TMCO5A: variants seen among roughly 807,000 people sequenced by gnomAD.
TMCO5A encodes transmembrane and coiled-coil domains 5A, also known as transmembrane and coiled-coil domain-containing protein 5A.
Under a neutral mutation model 42.3 loss-of-function variants are expected in TMCO5A, and 34 were observed. The observed-to-expected ratio is 0.80, with a 90% confidence interval of 0.61 to 1.07. The LOEUF is 1.07. TMCO5A is among the 50% of genes least tolerant of loss of function. TMCO5A has a pLI of 0.00. For missense variants in TMCO5A, 357 were observed against 327.9 expected (o/e 1.09, Z -0.69); for synonymous variants, 131 against 115.6 (o/e 1.13, Z -0.86).
chr15:37,948,425 A>G (rs1413566693), intron 11 of TMCO5A, among the ~76,000 whole-genome samples: 1 of 152,134 alleles, frequency 6.6e-6, no homozygotes, highest in Non-Finnish European at 1.5e-5. Flanking sequence ...GTTAAAGGTC[A>G]GCTCCAATTG....
the TMCO5A span, among the ~76,000 whole-genome samples, chr15:38,031,317 C>A: frequency 6.6e-6 from 1 of 152,144 alleles, no homozygotes; most frequent in Non-Finnish European, 1.5e-5. Context: ...GGTAACCAGC[C>A]TCCAAGATGG....
At chr15:37,999,781 T>G in the TMCO5A span, among the ~76,000 whole-genome samples, 1 of 152,246 alleles carries the variant, frequency 6.6e-6, no homozygotes, top group African/African-American at 2.4e-5. Context: ...TCAATTGAAA[T>G]GATCATGATT....
the TMCO5A span, among the ~76,000 whole-genome samples, chr15:38,031,377 T>C: frequency 6.6e-6 from 1 of 152,104 alleles, no homozygotes. Flanking sequence ...CCCTCCCGCA[T>C]TGTATCAATA....
chr15:37,976,488 C>T, the TMCO5A span, among the ~76,000 whole-genome samples: 3 of 152,124 alleles, frequency 2.0e-5, no homozygotes, highest in Non-Finnish European at 4.4e-5. Context: ...TGGATGATGT[C>T]CGTAACTATG....
chr15:38,015,899 T>C, the TMCO5A span, among the ~76,000 whole-genome samples: 1 of 151,954 alleles, frequency 6.6e-6, no homozygotes, highest in East Asian at 1.9e-4. Flanking sequence ...CTGCCCAGGG[T>C]TGGGGGAAGG....
the TMCO5A span, among the ~76,000 whole-genome samples, chr15:38,022,214 C>G: frequency 6.6e-6 from 1 of 152,112 alleles, no homozygotes; most frequent in Non-Finnish European, 1.5e-5. Flanking sequence ...AAAACCTGCA[C>G]ACGAATTTAT....
intron 2 of TMCO5A, chr15:37,936,101 A>G (rs1242259119): frequency 4.7e-6 from 2 of 424,008 alleles, no homozygotes; most frequent in South Asian, 5.3e-5. Context: ...TTGGAGGAGA[A>G]AGCCTGGGAA....
the TMCO5A span, among the ~76,000 whole-genome samples, chr15:37,999,491 T>A: frequency 6.6e-6 from 1 of 152,214 alleles, no homozygotes. Flanking sequence ...AGAATTTGAC[T>A]TCTTCCTTTT....
the TMCO5A span, chr15:38,040,382 A>G: frequency 6.6e-6 from 1 of 152,160 alleles, no homozygotes; most frequent in Admixed American, 6.5e-5. Context: ...TTCTCTAGGA[A>G]TCACAGTCCC....
chr15:38,033,530 C>T, the TMCO5A span, among the ~76,000 whole-genome samples: 6 of 151,738 alleles, frequency 4.0e-5, no homozygotes, highest in Non-Finnish European at 8.8e-5. Flanking sequence ...CATATTCATG[C>T]TTCAAAAAGG....
the TMCO5A span, among the ~76,000 whole-genome samples, chr15:38,023,644 C>A: frequency 1.3e-5 from 2 of 152,038 alleles, no homozygotes; most frequent in Non-Finnish European, 2.9e-5. Flanking sequence ...TCTCTCAATG[C>A]GAGGAGTAGC....
In TMCO5A at chr15:37,936,363, A is replaced by G. The variant is rs781218537; in HGVS notation, c.40A>G (p.Ile14Val). The change falls in exon 3 of 12, where the codon ATC becomes GTC. Residue 14 changes from isoleucine to valine, a missense_variant. Coordinates refer to ENST00000319669, the MANE Select transcript of TMCO5A (RefSeq NM_152453.4). ...SRLAQSKRNI[I>V]SLNMDLERDT... ...ATTGGCTCAGTCAAAAAGAAACATT[A>G]TCAGTTTGAACATGGACCTTGAAAG... The G allele has an allele frequency of 6.2e-7, 1 of 1,612,930 alleles. No homozygotes were observed. The highest frequency in any genetic ancestry group is 8.5e-7 in the Non-Finnish European group (1 of 1,179,354).
At chr15:37,953,091 C>T (rs79741265), downstream of TMCO5A, among the ~76,000 whole-genome samples, 2,447 of 152,194 alleles carry the variant, frequency 0.016, 74 homozygotes, top group African/African-American at 0.055. Flanking sequence ...GACTCTAGAC[C>T]CTGGCCCCTG....
the TMCO5A span, among the ~76,000 whole-genome samples, chr15:38,023,605 C>T: frequency 3.9e-5 from 6 of 152,066 alleles, no homozygotes; most frequent in South Asian, 2.1e-4. Flanking sequence ...ATGGCCAATC[C>T]GATTTAAGTG....
chr15:37,941,778 G>A (rs1361290593), intron 8 of TMCO5A, 48 bp downstream of exon 8: 1 of 1,474,540 alleles, frequency 6.8e-7, no homozygotes, highest in Non-Finnish European at 9.5e-7. Flanking sequence ...TAAGGTACAG[G>A]ATGAAATAGA....
chr15:37,972,276 G>C (rs1595615830), downstream of TMCO5A, among the ~76,000 whole-genome samples: 1 of 152,162 alleles, frequency 6.6e-6, no homozygotes, highest in South Asian at 2.1e-4. Context: ...ACTATCATGA[G>C]GACAGCATGG....
chr15:37,974,569 G>A, the TMCO5A span, among the ~76,000 whole-genome samples: 13 of 152,082 alleles, frequency 8.5e-5, no homozygotes, highest in South Asian at 2.1e-4. Flanking sequence ...GTCTCTGAGC[G>A]TTGTTTGTAT....
intron 11 of TMCO5A, among the ~76,000 whole-genome samples, chr15:37,960,841 G>T (rs1890406227): frequency 6.6e-6 from 1 of 152,074 alleles, no homozygotes; most frequent in African/African-American, 2.4e-5. Flanking sequence ...TTTGAGAATT[G>T]TCTATTCATG....
the TMCO5A span, among the ~76,000 whole-genome samples, chr15:38,006,717 C>A: frequency 6.6e-6 from 1 of 152,150 alleles, no homozygotes. Context: ...GATCTCTTGG[C>A]TACACTATAT....
Sources: gnomAD v4.1 joint callset for allele counts (sites outside exome capture counted in the v4.1 genomes callset) on GRCh38, gnomAD v4.1.1 for gene constraint, MANE v1.5 for transcripts, NCBI Gene and HGNC (gene_info 2026-07-23, HGNC 2026-07-21) for gene names.